The following TMC7 variants were observed in gnomAD, a reference collection of about 807,000 sequenced individuals.
TMC7 encodes transmembrane channel-like protein 7.
In TMC7, 54 loss-of-function variants were observed where a neutral mutation model predicts 82.9. The observed-to-expected ratio is 0.65, with a 90% confidence interval of 0.52 to 0.82. The LOEUF is 0.82. Ranked by LOEUF, TMC7 falls within the 40% of genes least tolerant of loss-of-function variation. The pLI is 0.00. For synonymous variants in TMC7, 350 were observed against 337.9 expected, an observed-to-expected ratio of 1.04 and a Z score of -0.39; for missense variants, 820 against 901.2, an observed-to-expected ratio of 0.91 and a Z score of 1.15.
chr16:19,029,838 G>A (rs1960425675), intron 5 of TMC7, among the ~76,000 whole-genome samples: 1 of 151,948 alleles, frequency 6.6e-6, no homozygotes, highest in Admixed American at 6.6e-5. Context: ...TCAGCCTCCC[G>A]AGTAGCTGGG....
intron 1 of TMC7, among the ~76,000 whole-genome samples, chr16:18,986,527 C>G (rs2038852505): frequency 1.3e-5 from 2 of 152,078 alleles, no homozygotes; most frequent in African/African-American, 2.4e-5. Flanking sequence ...CTGCAGTCTG[C>G]CTGGGTGACA....
chr16:19,025,487 C>T (rs148827215), intron 5 of TMC7, among the ~76,000 whole-genome samples: 2 of 151,852 alleles, frequency 1.3e-5, no homozygotes, highest in African/African-American at 2.4e-5. Context: ...GGCATGGTGG[C>T]GGGTGCCTGT....
intron 3 of TMC7, among the ~76,000 whole-genome samples, chr16:19,019,311 T>A (rs1320157404): frequency 6.6e-6 from 1 of 152,222 alleles, no homozygotes; most frequent in Non-Finnish European, 1.5e-5. Flanking sequence ...TGGCAATCTA[T>A]CCAATGAGCT....
intron 6 of TMC7, among the ~76,000 whole-genome samples, chr16:19,031,816 A>T (rs1960528308): frequency 1.3e-5 from 2 of 152,224 alleles, no homozygotes; most frequent in African/African-American, 4.8e-5. Context: ...CATCTTCAGC[A>T]TGTGGCTTCG....
chr16:19,017,085 T>G (rs1188285766), intron 3 of TMC7, among the ~76,000 whole-genome samples: 2 of 152,118 alleles, frequency 1.3e-5, no homozygotes, highest in Non-Finnish European at 2.9e-5. Context: ...TTTGGGAGGC[T>G]GAGGCATGAG....
intron 15 of TMC7, 137 bp downstream of exon 15, chr16:19,059,631 A>C (rs1312593986): frequency 1.3e-6 from 2 of 1,574,856 alleles, no homozygotes. Context: ...CTCTGCCTTG[A>C]GGCCCAGCCG....
At chr16:19,010,258 G>A (rs1413404354) in intron 2 of TMC7, among the ~76,000 whole-genome samples, 3 of 150,572 alleles carry the variant, frequency 2.0e-5, no homozygotes, top group African/African-American at 4.9e-5. Flanking sequence ...GGATTCAAGC[G>A]ATTCTCCTGC....
chr16:19,013,952 C>G (rs1959532164), intron 2 of TMC7, among the ~76,000 whole-genome samples: 2 of 145,176 alleles, frequency 1.4e-5, no homozygotes, highest in Non-Finnish European at 3.0e-5. Context: ...CTCCCAGGTT[C>G]ACGCCATTCT....
intron 13 of TMC7, among the ~76,000 whole-genome samples, chr16:19,053,886 T>C (rs1241292514): frequency 1.3e-5 from 2 of 151,548 alleles, no homozygotes; most frequent in African/African-American, 4.9e-5. Context: ...TCTTGCTATG[T>C]TGCCCAGGCT....
chr16:19,051,866 C>T, intron 13 of TMC7, 50 bp downstream of exon 13: 2 of 1,600,262 alleles, frequency 1.2e-6, no homozygotes, highest in African/African-American at 1.3e-5. Context: ...TTGACCTCTT[C>T]CTCTTTTATG....
Position 18,992,971 on chromosome 16 carries a change from A to C in TMC7, c.67+8841A>C, listed in dbSNP as rs556055441. ...TATTGGTCTATATCTCTTTTTTGGT[A>C]CCAGTACCATGCTGTTTTGGTTACT... On this transcript the variant is annotated intron_variant, in intron 1 of 15. Transcript: ENST00000304381. Among the ~76,000 whole-genome samples, 12 of 152,264 alleles carry C rather than the reference A, an allele frequency of 7.9e-5. No homozygotes were observed. The South Asian group carries it at 1.0e-3, about 13-fold the overall frequency.
At chr16:18,999,155 C>G (rs1319783618) in intron 1 of TMC7, among the ~76,000 whole-genome samples, 1 of 152,154 alleles carries the variant, frequency 6.6e-6, no homozygotes, top group African/African-American at 2.4e-5. Flanking sequence ...CCTCCCACCT[C>G]AGCCAAAAAA....
At chr16:19,009,857 C>T (rs1392312827) in intron 2 of TMC7, among the ~76,000 whole-genome samples, 5 of 147,912 alleles carry the variant, frequency 3.4e-5, no homozygotes, top group South Asian at 2.1e-4. Context: ...AGGGGAATGG[C>T]GTGAACCCGG....
chr16:19,021,793 A>T lies in TMC7; in HGVS notation c.625A>T (p.Met209Leu). ...CTTCGTGCTCATTCCTTTCAAAGACATGGGTGAGTGTAAGGCCTGGTTTAC... is the reference window on the plus strand; with the variant it reads ...CTTCGTGCTCATTCCTTTCAAAGACTTGGGTGAGTGTAAGGCCTGGTTTAC... ...SSFVLIPFKD[M>L]DKQCTVYPVS... Residue 209 changes from methionine to leucine, a missense_variant, in exon 4 of 16, where the codon ATG becomes TTG. Met to Leu is a conservative substitution (Grantham distance 15). Coordinates refer to ENST00000304381, the MANE Select transcript of TMC7 (RefSeq NM_024847.4). The T allele has an allele frequency of 6.2e-7, 1 of 1,614,098 alleles. No individual in the cohort carries two copies. The highest frequency in any genetic ancestry group is 8.5e-7 in the Non-Finnish European group (1 of 1,179,992).
chr16:19,005,477 T>C (rs149904779), intron 1 of TMC7, among the ~76,000 whole-genome samples: 66 of 152,354 alleles, frequency 4.3e-4, no homozygotes, highest in African/African-American at 1.4e-3. Context: ...TTGCAACTCC[T>C]TCCTCACCAT....
intron 5 of TMC7, among the ~76,000 whole-genome samples, chr16:19,026,167 A>G (rs1350284762): frequency 1.6e-5 from 2 of 126,806 alleles, no homozygotes; most frequent in Admixed American, 7.8e-5. Flanking sequence ...AATGTCTACT[A>G]TGCAAAAAAA....
At chr16:19,009,765 C>T (rs936605497) in intron 2 of TMC7, among the ~76,000 whole-genome samples, 1 of 151,738 alleles carries the variant, frequency 6.6e-6, no homozygotes, top group African/African-American at 2.4e-5. Flanking sequence ...CATGGTGAAA[C>T]CTCGTCTCTA....
chr16:19,001,140 T>G (rs894782783), intron 1 of TMC7, among the ~76,000 whole-genome samples: 2 of 152,208 alleles, frequency 1.3e-5, no homozygotes, highest in African/African-American at 4.8e-5. Context: ...TTGACACCCT[T>G]TCTTTCCTGG....
At chr16:19,059,379 C>T in intron 14 of TMC7, 37 bp from the exon 15 acceptor site, 1 of 1,602,296 alleles carries the variant, frequency 6.2e-7, no homozygotes, top group South Asian at 1.1e-5. Context: ...TTCAGATGAT[C>T]CAGACTCCCT....
Sources: gnomAD v4.1 joint callset for allele counts (sites outside exome capture counted in the v4.1 genomes callset) on GRCh38, gnomAD v4.1.1 for gene constraint, MANE v1.5 for transcripts, NCBI Gene and HGNC (gene_info 2026-07-23, HGNC 2026-07-21) for gene names.